Variants in ARHGEF18 observed in about 807,000 individuals in gnomAD.
ARHGEF18 encodes the protein Rho/Rac guanine nucleotide exchange factor 18.
Under a neutral mutation model 155.7 loss-of-function variants are expected in ARHGEF18, and 93 were observed. The observed-to-expected ratio is 0.60, with a 90% CI of 0.50 to 0.71. The LOEUF is 0.71. Ranked by LOEUF, ARHGEF18 falls within the 30% of genes least tolerant of loss-of-function variation. ARHGEF18 has a pLI of 0.00. For missense variants in ARHGEF18, 1,593 were observed against 1,816.1 expected (o/e 0.88, Z 2.23); for synonymous variants, 742 against 753.1 (o/e 0.99, Z 0.24).
chr19:7,385,845 C>A (rs1056886353), intron 10 of ARHGEF18, among the ~76,000 whole-genome samples: 3 of 99,548 alleles, frequency 3.0e-5, no homozygotes, highest in East Asian at 2.7e-4. Context: ...CTCTCTCTCT[C>A]TCTCTCTCTC....
chr19:7,458,246 C>T (rs1975970486), intron 18 of ARHGEF18, among the ~76,000 whole-genome samples: 1 of 146,890 alleles, frequency 6.8e-6, no homozygotes, highest in South Asian at 2.1e-4. Flanking sequence ...ATGATTGCAC[C>T]ACTGCACTAC....
intron 10 of ARHGEF18, among the ~76,000 whole-genome samples, chr19:7,388,032 C>T (rs753185431): frequency 3.9e-5 from 6 of 151,982 alleles, no homozygotes; most frequent in African/African-American, 1.4e-4. Flanking sequence ...AACCCCTGAA[C>T]GAGGTTATCT....
At chr19:7,380,867 G>C (rs985272004) in intron 7 of ARHGEF18, 50 bp from the exon 8 acceptor site, 1 of 1,187,500 alleles carries the variant, frequency 8.4e-7, no homozygotes, top group African/African-American at 1.6e-5. Context: ...GGGTAGGTGA[G>C]TGGGAGAAGA....
At position 7,376,799 on chromosome 19, in the gene ARHGEF18, G is replaced by C. The variant is rs539173814; in HGVS notation, c.541+42G>C. 116 of 1,201,916 alleles carry C rather than the reference G, an allele frequency of 9.7e-5. No homozygotes were observed. The African/African-American group carries it at 1.6e-3, about 17-fold the overall frequency. 74.5% of individuals were successfully genotyped at this position (1,201,916 alleles called of 1,614,324 possible). On this transcript the variant is annotated intron_variant, in intron 5 of 28. Transcript: ENST00000668164. ...TTTCCTTCATTCAAACCAAGTCAGGGAAAGAGGAGCCTGGCCAACATGGTG... is the reference window on the plus strand; with the variant it reads ...TTTCCTTCATTCAAACCAAGTCAGGCAAAGAGGAGCCTGGCCAACATGGTG...
intron 10 of ARHGEF18, among the ~76,000 whole-genome samples, chr19:7,425,283 C>T (rs1973591047): frequency 6.6e-6 from 1 of 152,020 alleles, no homozygotes; most frequent in South Asian, 2.1e-4. Context: ...GAGTAGGGCT[C>T]TGGCTTGGTC....
At chr19:7,422,009 G>A (rs945046532) in intron 10 of ARHGEF18, among the ~76,000 whole-genome samples, 2 of 151,960 alleles carry the variant, frequency 1.3e-5, no homozygotes, top group Non-Finnish European at 2.9e-5. Flanking sequence ...TGTTTACCGG[G>A]GCACCAAGCC....
chr19:7,369,653 C>T (rs1201573829), intron 2 of ARHGEF18, among the ~76,000 whole-genome samples: 5 of 150,828 alleles, frequency 3.3e-5, no homozygotes, highest in Non-Finnish European at 5.9e-5. Context: ...AAAAATTAGC[C>T]GGGCATTGTG....
chr19:7,359,695 G>A (rs991891971), intron 1 of ARHGEF18, among the ~76,000 whole-genome samples: 2 of 152,052 alleles, frequency 1.3e-5, no homozygotes, highest in Non-Finnish European at 2.9e-5. Context: ...CAGGATCAAG[G>A]CTCAGTATAT....
chr19:7,374,277 G>A lies in ARHGEF18; in HGVS notation c.275+1206G>A, dbSNP rs369819143. 1.4e-4 allele frequency among the ~76,000 whole-genome samples: 21 copies of A among 152,232 alleles called. No individual in the cohort carries two copies. In the East Asian group the frequency reaches 2.5e-3, roughly 18 times the overall value. ...TCCCTGCTCTAGGGCCATGAGGGGC[G>A]TCTGCACCATCAGAGGCAGCCCAAA... On this transcript the variant is annotated intron_variant, in intron 3 of 28. Coordinates refer to ENST00000668164, the MANE Select transcript of ARHGEF18 (RefSeq NM_001367823.1).
At chr19:7,375,500 A>G (rs1220573949) in intron 3 of ARHGEF18, among the ~76,000 whole-genome samples, 3 of 152,202 alleles carry the variant, frequency 2.0e-5, no homozygotes, top group South Asian at 2.1e-4. Flanking sequence ...ATGCAAATGT[A>G]GCTCCAACAA....
chr19:7,429,691 C>T (rs545298801), intron 10 of ARHGEF18, among the ~76,000 whole-genome samples: 11 of 152,090 alleles, frequency 7.2e-5, no homozygotes, highest in African/African-American at 2.7e-4. Context: ...CATCATCCCA[C>T]AGACGCCCCC....
chr19:7,472,666 G>A (rs1372039572), downstream of ARHGEF18, among the ~76,000 whole-genome samples: 2 of 152,072 alleles, frequency 1.3e-5, no homozygotes, highest in African/African-American at 4.8e-5. Context: ...AGGAGTTGTT[G>A]GGGGTTTTGT....
At chr19:7,360,927 G>A (rs76506685) in intron 1 of ARHGEF18, among the ~76,000 whole-genome samples, 6,249 of 152,250 alleles carry the variant, frequency 0.041, 175 homozygotes, top group Middle Eastern at 0.13. Context: ...AGCAGTGATG[G>A]TGGAAACCCT....
At chr19:7,385,833 A>ATCTCTCTCTC (rs762196307) in intron 10 of ARHGEF18, among the ~76,000 whole-genome samples, 56 of 51,960 alleles carry the variant, frequency 1.1e-3, no homozygotes, top group South Asian at 3.9e-3. Flanking sequence ...ATCTCTCTCT[A>ATCTCTCTCTC]TCTCTCTCTC....
At chr19:7,392,363 G>C (rs187833775) in intron 10 of ARHGEF18, among the ~76,000 whole-genome samples, 35 of 151,996 alleles carry the variant, frequency 2.3e-4, no homozygotes, top group African/African-American at 8.2e-4. Context: ...TTAGGGGAGG[G>C]CTGTGTCCAC....
In ARHGEF18 at chr19:7,368,002, G is replaced by GAGAGAGA. The variant is rs1970012342; in HGVS notation, c.16-4810_16-4809insAGAGAGA. ...AAGAGAGAGAGAGAGAGAGAGAGAG[G>GAGAGAGA]GAGGGAGGGAGGGAGGGCGGAAGGA... On this transcript the variant is annotated intron_variant, in intron 2 of 28. Transcript: ENST00000668164. 9.1e-3 allele frequency among the ~76,000 whole-genome samples: 294 copies of GAGAGAGA among 32,416 alleles called. 13 individuals are homozygous for GAGAGAGA. Among genetic ancestry groups the GAGAGAGA allele is most frequent in the African/African-American group, 0.037 (283 of 7,710 alleles). The allele number at this position is 32,416 out of a possible 152,430, so 21.3% of individuals were successfully genotyped here. A position where few individuals can be genotyped will look rare whatever the true frequency, so the allele number is the denominator to read the frequency against.
At chr19:7,373,802 G>T (rs1970311875) in intron 3 of ARHGEF18, among the ~76,000 whole-genome samples, 1 of 149,438 alleles carries the variant, frequency 6.7e-6, no homozygotes, top group Admixed American at 6.7e-5. Flanking sequence ...GTGCAACCTA[G>T]ATCCCTCGCA....
chr19:7,398,656 A>G (rs1337647441), intron 10 of ARHGEF18, among the ~76,000 whole-genome samples: 1 of 150,754 alleles, frequency 6.6e-6, no homozygotes, highest in East Asian at 2.0e-4. Flanking sequence ...ACGCCATTGC[A>G]CTCCAGCCTG....
Position 7,464,550 on chromosome 19 carries a change from G to C in ARHGEF18, c.2774-10G>C. On this transcript the variant is annotated splice_polypyrimidine_tract_variant and intron_variant, in intron 22 of 28. Coordinates refer to ENST00000668164, the MANE Select transcript of ARHGEF18 (RefSeq NM_001367823.1). ...GCAGCATCCTCATGCCCCTGGCTTG[G>C]GGTTCTCAGATGGCAGTTTCAAGAA... is the stretch of plus-strand genomic sequence containing the variant. 1 of 1,606,838 alleles carries C rather than the reference G, an allele frequency of 6.2e-7. No individual in the cohort carries two copies. The highest frequency in any genetic ancestry group is 8.5e-7 in the Non-Finnish European group (1 of 1,174,714).
Sources: allele counts gnomAD v4.1 joint callset (sites outside exome capture counted in the v4.1 genomes callset), GRCh38; gene constraint gnomAD v4.1.1; transcripts MANE v1.5; gene names NCBI Gene and HGNC (gene_info 2026-07-23, HGNC 2026-07-21).